The following PRR12 variants were observed in gnomAD, a reference collection of about 807,000 sequenced individuals.
PRR12 encodes proline rich 12.
A neutral mutation model predicts 138.0 loss-of-function variants in PRR12; 12 were observed. That is an observed-to-expected ratio of 0.09 (90% CI 0.06 to 0.14). The LOEUF (loss-of-function observed/expected upper bound fraction) is 0.14. Ranked by LOEUF, PRR12 falls within the 10% of genes least tolerant of loss-of-function variation. The pLI is 1.00. For missense variants in PRR12, 2,692 were observed against 2,861.3 expected, an observed-to-expected ratio of 0.94 and a Z score of 1.35; for synonymous variants, 1,567 against 1,291.7, an observed-to-expected ratio of 1.21 and a Z score of -4.57.
rs1351876036 is a variant in PRR12 at position 49,625,571 on chromosome 19, G to A, written c.6075G>A (p.Leu2025=). Residue 2025 remains leucine, a synonymous_variant, in exon 14 of 14, where the codon CTG becomes CTA. Transcript: ENST00000418929. The surrounding 1 kb of genome is among the most constrained non-coding windows in gnomAD (Gnocchi z 5.5). The part of the protein sequence containing the change: ...LEQLFDSFSD[L]LAQAQAHSRC... ...AGCTCTTTGACTCCTTCAGTGACCT[G>A]CTGGCCCAAGCACAGGCCCACAGCC... The A allele has an allele frequency of 6.2e-7, 1 of 1,611,768 alleles. No individual in the cohort carries two copies. The highest frequency in any genetic ancestry group is 1.7e-5 in the Admixed American group (1 of 59,932).
rs1400389632 is a variant in PRR12 at position 49,594,430 on chromosome 19, A to G, written c.200-24A>G. 6.5e-7 allele frequency: 1 copy of G among 1,527,900 alleles called. No homozygotes were observed. The highest frequency in any genetic ancestry group is 8.8e-7 in the Non-Finnish European group (1 of 1,136,678). The allele number at this position is 1,527,900 out of a possible 1,614,324, so 94.6% of individuals were successfully genotyped here. A position where few individuals can be genotyped will look rare whatever the true frequency, so the allele number is the denominator to read the frequency against. On this transcript the variant is annotated intron_variant, in intron 2 of 13. Coordinates refer to ENST00000418929, the MANE Select transcript of PRR12 (RefSeq NM_020719.3). This position sits in a 1 kb window ranked among gnomAD's most constrained non-coding sequence, Gnocchi z 5.6. ...TATCCTACCCACCCCCACCTGGCTG[A>G]CTATAACCCCTGTCCCCGGCCAGGC...
chr19:49,607,098 A>G (rs1204056491), intron 6 of PRR12, among the ~76,000 whole-genome samples: 1 of 151,958 alleles, frequency 6.6e-6, no homozygotes, highest in Non-Finnish European at 1.5e-5. Flanking sequence ...GTTGCAGACC[A>G]GGCTGGGCAA....
chr19:49,598,070 T>C, intron 4 of PRR12, 57 bp downstream of exon 4: 11 of 1,262,374 alleles, frequency 8.7e-6, no homozygotes, highest in Non-Finnish European at 1.1e-5. Flanking sequence ...GTCCGATGTT[T>C]GAGTCTTTTT....
At position 49,597,897 on chromosome 19, in the gene PRR12, G is replaced by A. The variant is rs977140594; in HGVS notation, c.3562G>A (p.Ala1188Thr). ...GGAGGTCCCGACCACTGCGGGGCCCGCCTCGGCCTCCACGCCCACCGATGG... is the reference window on the plus strand; with the variant it reads ...GGAGGTCCCGACCACTGCGGGGCCCACCTCGGCCTCCACGCCCACCGATGG... ...PLEVPTTAGPASASTPTDGAK... is the reference protein window; with the variant it reads ...PLEVPTTAGPTSASTPTDGAK... Residue 1188 changes from alanine to threonine, a missense_variant, in exon 4 of 14, where the codon GCC (alanine) becomes ACC (threonine). This residue lies in a region of PRR12 where 326 missense variants were observed against 344.2 expected (regional missense o/e 0.95). Transcript: ENST00000418929. This position sits in a 1 kb window ranked among gnomAD's most constrained non-coding sequence, Gnocchi z 6.3. 40 of 1,418,056 alleles carry A rather than the reference G, an allele frequency of 2.8e-5. No homozygotes were observed. In the South Asian group the frequency reaches 5.2e-4, roughly 18 times the overall value. The allele number at this position is 1,418,056 out of a possible 1,614,324, so 87.8% of individuals were successfully genotyped here.
At chr19:49,601,279 G>GAA (rs1326405640) in intron 5 of PRR12, among the ~76,000 whole-genome samples, 3 of 152,040 alleles carry the variant, frequency 2.0e-5, no homozygotes. Flanking sequence ...CCAGGACTGA[G>GAA]AAGGGGATTA....
At chr19:49,620,522 G>C in intron 10 of PRR12, 45 bp downstream of exon 10, 2 of 1,549,462 alleles carry the variant, frequency 1.3e-6, no homozygotes, top group Non-Finnish European at 1.7e-6. Context: ...GACTCGGTCT[G>C]AGGGAGCAGG....
At chr19:49,601,465 A>C in intron 5 of PRR12, 26 bp from the exon 6 acceptor site, 2 of 1,333,126 alleles carry the variant, frequency 1.5e-6, no homozygotes, top group Non-Finnish European at 2.1e-6. Context: ...AATAACATCC[A>C]GGCCTGATGT....
intron 6 of PRR12, among the ~76,000 whole-genome samples, chr19:49,602,421 G>T (rs944994277): frequency 6.6e-6 from 1 of 152,144 alleles, no homozygotes; most frequent in Non-Finnish European, 1.5e-5. Context: ...GAATTGGGCC[G>T]GACGCGGCAG....
In PRR12 at chr19:49,593,357, C is replaced by T. The variant is rs765826719; in HGVS notation, c.117C>T (p.His39=). ...SLVYGSSRTS[H]PETDILHRQA... ...TTTATGGCAGCTCCAGGACCTCGCA[C>T]CCCGAGACGGACATCTTACACCGCC... The change falls in exon 2 of 14, where the codon CAC becomes CAT. Residue 39 remains histidine (H), a synonymous_variant. Coordinates refer to ENST00000418929, the MANE Select transcript of PRR12 (RefSeq NM_020719.3). The T allele has an allele frequency of 1.2e-6, 2 of 1,611,818 alleles. No individual in the cohort carries two copies. The highest frequency in any genetic ancestry group is 1.3e-5 in the African/African-American group (1 of 74,716).
chr19:49,592,297 G>T (rs958132954), intron 1 of PRR12, among the ~76,000 whole-genome samples: 4 of 152,180 alleles, frequency 2.6e-5, no homozygotes, highest in Non-Finnish European at 4.4e-5. Context: ...AGGGGGTCAG[G>T]CGTCTGGGAC....
In PRR12 at chr19:49,595,670, C is replaced by T. The variant is rs113701280; in HGVS notation, c.1335C>T (p.Pro445=). ...AGGAGGQAYS[P]GQPQGLLGPQ... Reference sequence around the variant, plus strand: ...GGGCAGGGGGCCAGGCTTATTCCCCCGGTCAGCCTCAAGGGCTTCTGGGAC... The same window carrying T: ...GGGCAGGGGGCCAGGCTTATTCCCCTGGTCAGCCTCAAGGGCTTCTGGGAC... The change falls in exon 4 of 14, where the codon CCC becomes CCT. Residue 445 remains proline (P), a synonymous_variant. Transcript: ENST00000418929. 26 of 1,598,528 alleles carry T rather than the reference C, an allele frequency of 1.6e-5. No homozygotes were observed. Among genetic ancestry groups the T allele is most frequent in the South Asian group, 6.7e-5 (6 of 89,170 alleles).
intron 2 of PRR12, among the ~76,000 whole-genome samples, chr19:49,593,758 C>G (rs894870207): frequency 6.6e-6 from 1 of 152,182 alleles, no homozygotes; most frequent in African/African-American, 2.4e-5. Flanking sequence ...TGGGTTTGCC[C>G]TATTCTTTTG....
intron 4 of PRR12, among the ~76,000 whole-genome samples, chr19:49,598,609 C>T (rs2122306704): frequency 6.6e-6 from 1 of 152,256 alleles, no homozygotes; most frequent in South Asian, 2.1e-4. Context: ...CTCTTGAACC[C>T]AGATGTTCGA....
chr19:49,619,213 G>T (rs2080907701), intron 9 of PRR12, among the ~76,000 whole-genome samples: 1 of 146,170 alleles, frequency 6.8e-6, no homozygotes, highest in African/African-American at 2.6e-5. Flanking sequence ...TGAGTCTGAT[G>T]CCTCCTGTGA....
In PRR12 at chr19:49,625,665, C is replaced by T; in HGVS notation, c.*58C>T. 3 of 1,536,648 alleles carry T rather than the reference C, an allele frequency of 2.0e-6. No homozygotes were observed. Among genetic ancestry groups the T allele is most frequent in the East Asian group, 2.3e-5 (1 of 43,918 alleles). Reference sequence around the variant, plus strand: ...CCATGAACCGAGAATTGGGACAGAACCGTGTCCTCAGGAGCTAACACCTGG... The same window carrying T: ...CCATGAACCGAGAATTGGGACAGAATCGTGTCCTCAGGAGCTAACACCTGG... On this transcript the variant is annotated 3_prime_UTR_variant, in exon 14 of 14. Coordinates refer to ENST00000418929, the MANE Select transcript of PRR12 (RefSeq NM_020719.3). The surrounding 1 kb of genome is among the most constrained non-coding windows in gnomAD (Gnocchi z 5.5).
chr19:49,591,778 G>A, intron 1 of PRR12, 38 bp downstream of exon 1: 1 of 1,313,518 alleles, frequency 7.6e-7, no homozygotes, highest in East Asian at 3.1e-5. Flanking sequence ...GGGGGCCAAG[G>A]GGTGGGAGCC....
chr19:49,609,619 T>A (rs967642119), intron 6 of PRR12, among the ~76,000 whole-genome samples: 2 of 147,738 alleles, frequency 1.4e-5, no homozygotes, highest in African/African-American at 2.5e-5. Context: ...AAAAAAAAAA[T>A]TTGTTGGATG....
intron 11 of PRR12, among the ~76,000 whole-genome samples, chr19:49,622,279 T>C (rs2080927048): frequency 6.6e-6 from 1 of 151,958 alleles, no homozygotes; most frequent in African/African-American, 2.4e-5. Context: ...GGGAAGTTAG[T>C]CTTAGAAAAT....
intron 6 of PRR12, among the ~76,000 whole-genome samples, chr19:49,613,378 G>C (rs2080876335): frequency 6.6e-6 from 1 of 150,862 alleles, no homozygotes; most frequent in Non-Finnish European, 1.5e-5. Context: ...CTAGGCTTCT[G>C]TAGTGTCCAG....
Sources: allele counts gnomAD v4.1 joint callset (sites outside exome capture counted in the v4.1 genomes callset), GRCh38; gene constraint gnomAD v4.1.1; regional missense constraint gnomAD v4.1.1; non-coding constraint Gnocchi (gnomAD v3.1); transcripts MANE v1.5; gene names NCBI Gene and HGNC (gene_info 2026-07-23, HGNC 2026-07-21).